The following CTNNA3 variants were observed in gnomAD, a reference collection of about 807,000 sequenced individuals.
The protein encoded by CTNNA3 is catenin alpha 3, also known as catenin alpha-3.
Under a neutral mutation model 95.7 loss-of-function variants are expected in CTNNA3, and 76 were observed. The observed-to-expected ratio is 0.79, with a 90% confidence interval of 0.66 to 0.96. The LOEUF (loss-of-function observed/expected upper bound fraction) is 0.96, where lower values mean the gene tolerates loss of function less well. Among genes scored for constraint, CTNNA3 ranks in the 40% least tolerant of loss-of-function variants. The pLI, the probability that CTNNA3 is intolerant of heterozygous loss-of-function variation, is 0.00. For missense variants in CTNNA3, 1,191 were observed against 1,089.8 expected, an observed-to-expected ratio of 1.09 and a Z score of -1.31; for synonymous variants, 431 against 374.4, an observed-to-expected ratio of 1.15 and a Z score of -1.74.
intron 14 of CTNNA3, among the ~76,000 whole-genome samples, chr10:66,087,820 G>T (rs917955526): frequency 2.6e-5 from 4 of 151,970 alleles, no homozygotes; most frequent in African/African-American, 9.7e-5. Flanking sequence ...TGAACTTCAG[G>T]GCATTAGACT....
chr10:67,373,570 A>G (rs1431528911), intron 5 of CTNNA3, among the ~76,000 whole-genome samples: 1 of 152,184 alleles, frequency 6.6e-6, no homozygotes, highest in African/African-American at 2.4e-5. Context: ...GATCCATGAG[A>G]CAGAAAGTTA....
chr10:65,966,357 T>C (rs1186715780), intron 17 of CTNNA3, among the ~76,000 whole-genome samples: 1 of 152,216 alleles, frequency 6.6e-6, no homozygotes, highest in African/African-American at 2.4e-5. Flanking sequence ...GCATTTCTTA[T>C]CCAATTGGCT....
chr10:67,046,361 C>T (rs1259903960), intron 7 of CTNNA3, among the ~76,000 whole-genome samples: 1 of 152,118 alleles, frequency 6.6e-6, no homozygotes, highest in Non-Finnish European at 1.5e-5. Flanking sequence ...CAGATGTGAG[C>T]GAACAGCTTT....
At chr10:66,384,699 C>T (rs537441855) in intron 11 of CTNNA3, among the ~76,000 whole-genome samples, 1 of 152,272 alleles carries the variant, frequency 6.6e-6, no homozygotes, top group East Asian at 1.9e-4. Flanking sequence ...AAGTAAAGTA[C>T]TCCTTAGCAA....
At chr10:67,556,369 G>A (rs1310637801) in intron 3 of CTNNA3, among the ~76,000 whole-genome samples, 1 of 152,158 alleles carries the variant, frequency 6.6e-6, no homozygotes, top group Non-Finnish European at 1.5e-5. Context: ...ATTCAGGTGT[G>A]AATCCATCTG....
chr10:67,004,090 TA>T (rs533856596), intron 7 of CTNNA3, among the ~76,000 whole-genome samples: 3,202 of 145,124 alleles, frequency 0.022, 48 homozygotes, highest in Non-Finnish European at 0.033. Flanking sequence ...ATTTTGATGT[TA>T]AAAAAAAAAA....
chr10:66,308,518 T>A (rs894730069), intron 12 of CTNNA3, among the ~76,000 whole-genome samples: 1 of 152,190 alleles, frequency 6.6e-6, no homozygotes, highest in African/African-American at 2.4e-5. Flanking sequence ...GCCATTAATA[T>A]CTGAAAAAGA....
At chr10:67,294,648 G>A (rs914383160) in intron 5 of CTNNA3, among the ~76,000 whole-genome samples, 1 of 152,106 alleles carries the variant, frequency 6.6e-6, no homozygotes, top group Admixed American at 6.6e-5. Context: ...CACTGAGACA[G>A]GAGTTAAAAA....
At chr10:66,652,112 A>AC (rs1409153184) in intron 9 of CTNNA3, among the ~76,000 whole-genome samples, 6 of 113,008 alleles carry the variant, frequency 5.3e-5, no homozygotes, top group Non-Finnish European at 1.1e-4. Context: ...AAAAAAAAAA[A>AC]AAAAAAACTA....
chr10:66,381,874 G>A (rs1226557452), intron 11 of CTNNA3, among the ~76,000 whole-genome samples: 1 of 152,120 alleles, frequency 6.6e-6, no homozygotes, highest in Non-Finnish European at 1.5e-5. Context: ...GTATAGGTTG[G>A]ACCTTAGAAG....
intron 12 of CTNNA3, among the ~76,000 whole-genome samples, chr10:66,345,621 T>G (rs115888217): frequency 1.4e-4 from 22 of 152,132 alleles, no homozygotes; most frequent in Non-Finnish European, 2.6e-4. Context: ...GAATTCAGTA[T>G]GATTTTAAAG....
chr10:66,472,480 G>T (rs1165592433), intron 11 of CTNNA3, among the ~76,000 whole-genome samples: 1 of 151,864 alleles, frequency 6.6e-6, no homozygotes, highest in Non-Finnish European at 1.5e-5. Context: ...ACTGTGGCTG[G>T]TTTTCTCATT....
chr10:66,330,373 T>C (rs528401449), intron 12 of CTNNA3, among the ~76,000 whole-genome samples: 1 of 152,186 alleles, frequency 6.6e-6, no homozygotes, highest in East Asian at 1.9e-4. Context: ...TCCAGCTTCA[T>C]CCATGTCCCT....
intron 7 of CTNNA3, among the ~76,000 whole-genome samples, chr10:66,871,751 A>G (rs1012154280): frequency 1.3e-5 from 2 of 152,172 alleles, no homozygotes; most frequent in African/African-American, 4.8e-5. Context: ...AATGTCAGAG[A>G]GGAGAACTCA....
chr10:67,038,058 C>T lies in CTNNA3; in HGVS notation c.1047+142259G>A, dbSNP rs148571086. Among the ~76,000 whole-genome samples the T allele has an allele frequency of 8.9e-4, 135 of 152,134 alleles. 1 individual carries two copies. The highest frequency in any genetic ancestry group is 3.1e-3 in the African/African-American group (128 of 41,514). On this transcript the variant is annotated intron_variant, in intron 7 of 17. Transcript: ENST00000433211. ...CTAATAATATTGTTGACTGTGTCCA[C>T]CTGTAGTGGCAAACTTGATGTGATT...
At chr10:67,711,649 T>G (rs1310619559) in intron 1 of CTNNA3, among the ~76,000 whole-genome samples, 1 of 151,864 alleles carries the variant, frequency 6.6e-6, no homozygotes, top group Non-Finnish European at 1.5e-5. Flanking sequence ...TAGTTACATA[T>G]GTATACATGT....
intron 17 of CTNNA3, among the ~76,000 whole-genome samples, chr10:65,963,333 GTC>G (rs964573428): frequency 6.6e-6 from 1 of 152,080 alleles, no homozygotes; most frequent in Admixed American, 6.6e-5. Context: ...TGCCCACCAT[GTC>G]CATAACATTC....
intron 7 of CTNNA3, among the ~76,000 whole-genome samples, chr10:66,849,693 G>A (rs10822924): frequency 0.44 from 67,118 of 151,742 alleles, 15,351 homozygotes; most frequent in Admixed American, 0.6. Flanking sequence ...CAGAAGCTAG[G>A]GAGGGTCAAG....
intron 9 of CTNNA3, among the ~76,000 whole-genome samples, chr10:66,750,801 G>A (rs1205116887): frequency 5.3e-5 from 8 of 152,182 alleles, no homozygotes; most frequent in Non-Finnish European, 1.0e-4. Flanking sequence ...AAGTTGTGAA[G>A]AAGTGACATG....
Sources: gnomAD v4.1 joint callset for allele counts (sites outside exome capture counted in the v4.1 genomes callset) on GRCh38, gnomAD v4.1.1 for gene constraint, MANE v1.5 for transcripts, NCBI Gene and HGNC (gene_info 2026-07-23, HGNC 2026-07-21) for gene names.